AK9: variants seen among roughly 807,000 people sequenced by gnomAD.
The protein encoded by AK9 is adenylate kinase domain containing 1.
A neutral mutation model predicts 239.6 loss-of-function variants in AK9; 191 were observed. The ratio of observed to expected loss-of-function variants is 0.80; its 90% CI spans 0.71 to 0.90. AK9 has a LOEUF of 0.90. AK9 is among the 40% of genes least tolerant of loss of function. The probability of loss-of-function intolerance (pLI) is 0.00; values close to 1 mark genes in which losing one functional copy is unlikely to be tolerated. For missense variants in AK9, 1,995 were observed against 2,214.7 expected, an observed-to-expected ratio of 0.90 and a Z score of 1.99; for synonymous variants, 689 against 721.0, an observed-to-expected ratio of 0.96 and a Z score of 0.71.
chr6:109,674,667 G>A (rs1771443613), intron 2 of AK9, among the ~76,000 whole-genome samples: 1 of 152,076 alleles, frequency 6.6e-6, no homozygotes, highest in African/African-American at 2.4e-5. Flanking sequence ...TAATTTTGAT[G>A]AGCAAAAAGA....
chr6:109,533,704 T>C (rs898839964), intron 27 of AK9, among the ~76,000 whole-genome samples: 2 of 152,182 alleles, frequency 1.3e-5, no homozygotes, highest in African/African-American at 4.8e-5. Flanking sequence ...TTTACTCTTT[T>C]ATTTCTTTTA....
intron 17 of AK9, among the ~76,000 whole-genome samples, chr6:109,604,582 C>T (rs1483929293): frequency 1.3e-5 from 2 of 152,116 alleles, no homozygotes; most frequent in Non-Finnish European, 2.9e-5. Flanking sequence ...TTGCTTCTGG[C>T]ATGTTTATCA....
chr6:109,607,815 T>C (rs565958690), intron 17 of AK9, among the ~76,000 whole-genome samples: 9 of 142,854 alleles, frequency 6.3e-5, no homozygotes, highest in South Asian at 2.3e-4. Context: ...GAAAATTGAG[T>C]AGCTCATTCT....
At chr6:109,503,576 A>G (rs1777806823) in intron 35 of AK9, among the ~76,000 whole-genome samples, 1 of 152,206 alleles carries the variant, frequency 6.6e-6, no homozygotes, top group African/African-American at 2.4e-5. Context: ...GAAAAAAACC[A>G]AAACTAAATT....
chr6:109,510,498 G>A (rs772094425), intron 32 of AK9, among the ~76,000 whole-genome samples: 12 of 152,066 alleles, frequency 7.9e-5, no homozygotes, highest in Non-Finnish European at 1.2e-4. Context: ...CAGCAGATAG[G>A]AGCCACCCTC....
chr6:109,607,737 C>A (rs1208330753), intron 17 of AK9, among the ~76,000 whole-genome samples: 3 of 150,366 alleles, frequency 2.0e-5, no homozygotes, highest in Admixed American at 1.3e-4. Context: ...CTAATAGATA[C>A]AATGCAACCC....
rs1204921001 is a variant in AK9 at position 109,506,645 on chromosome 6, G to A, written c.4628+9C>T. ...ATTCCTTTTTTGTTGTCTTCATCAT[G>A]TACATTACCTTTGTTCATTTTCTTT... On this transcript the variant is annotated intron_variant, in intron 34 of 40. Coordinates refer to ENST00000424296, the MANE Select transcript of AK9 (RefSeq NM_001145128.3). 3.3e-6 allele frequency: 5 copies of A among 1,531,114 alleles called. No individual in the cohort carries two copies. The Admixed American group carries it at 1.0e-4, about 31-fold the overall frequency. 94.8% of individuals were successfully genotyped at this position (1,531,114 alleles called of 1,614,324 possible). A position where few individuals can be genotyped will look rare whatever the true frequency, so the allele number is the denominator to read the frequency against.
intron 13 of AK9, among the ~76,000 whole-genome samples, chr6:109,616,542 T>G (rs1794212207): frequency 1.1e-5 from 1 of 94,662 alleles, no homozygotes; most frequent in African/African-American, 2.9e-5. Context: ...CACACCCAAC[T>G]AATTTTTTTT....
At chr6:109,621,827 G>A (rs1461583452) in intron 12 of AK9, among the ~76,000 whole-genome samples, 1 of 135,236 alleles carries the variant, frequency 7.4e-6, no homozygotes, top group African/African-American at 2.8e-5. Context: ...CACCAGCATG[G>A]CACATGTATA....
At chr6:109,531,943 T>C (rs1781332227) in intron 28 of AK9, among the ~76,000 whole-genome samples, 2 of 152,062 alleles carry the variant, frequency 1.3e-5, no homozygotes, top group African/African-American at 4.8e-5. Flanking sequence ...CTTAGTGTGG[T>C]GAGGGAGAGG....
rs201423968 is a variant in AK9, at chr6:109,622,149, TTA to T, written c.1255-2915_1255-2914del. ...ACACATATTGTATATATTTTATACATTATATAATATACATTTTTATATATTTT... is the reference window on the plus strand; with the variant it reads ...ACACATATTGTATATATTTTATACATTATAATATACATTTTTATATATTTT... On this transcript the variant is annotated intron_variant, in intron 12 of 40. Coordinates refer to ENST00000424296, the MANE Select transcript of AK9 (RefSeq NM_001145128.3). 6.0e-3 allele frequency among the ~76,000 whole-genome samples: 881 copies of T among 146,228 alleles called. 16 individuals are homozygous for T. The highest frequency in any genetic ancestry group is 0.051 in the East Asian group (262 of 5,090).
At chr6:109,616,752 C>G (rs1794234965) in intron 13 of AK9, among the ~76,000 whole-genome samples, 1 of 152,034 alleles carries the variant, frequency 6.6e-6, no homozygotes, top group African/African-American at 2.4e-5. Flanking sequence ...ACCAGAACCC[C>G]TTTAAAGATG....
At chr6:109,496,269 C>T (rs1057000090) in intron 38 of AK9, among the ~76,000 whole-genome samples, 3 of 152,296 alleles carry the variant, frequency 2.0e-5, no homozygotes, top group East Asian at 1.9e-4. Flanking sequence ...CTCAGCCGGC[C>T]GTGTGCAGTC....
At chr6:109,669,192 T>G (rs953741579) in intron 5 of AK9, among the ~76,000 whole-genome samples, 9 of 150,286 alleles carry the variant, frequency 6.0e-5, no homozygotes, top group Admixed American at 2.0e-4. Context: ...ATTTGGCTGT[T>G]TGTTATTGGT....
In AK9 at chr6:109,516,650, A is replaced by C. The variant is rs1779302369; in HGVS notation, c.3634-8T>G. 2 of 1,542,140 alleles carry C rather than the reference A, an allele frequency of 1.3e-6. No individual in the cohort carries two copies. Among genetic ancestry groups the C allele is most frequent in the Non-Finnish European group, 1.8e-6 (2 of 1,140,684 alleles). On this transcript the variant is annotated splice_region_variant and splice_polypyrimidine_tract_variant and intron_variant, in intron 29 of 40. Coordinates refer to ENST00000424296, the MANE Select transcript of AK9 (RefSeq NM_001145128.3). Reference sequence around the variant, plus strand: ...ATCATCTCTAACAACATTCTAAGGAAGAAAATATTCCCTTTTACTATACAT... The same window carrying C: ...ATCATCTCTAACAACATTCTAAGGACGAAAATATTCCCTTTTACTATACAT...
At chr6:109,610,741 T>C (rs1205744292) in intron 16 of AK9, among the ~76,000 whole-genome samples, 2 of 151,976 alleles carry the variant, frequency 1.3e-5, no homozygotes, top group Non-Finnish European at 2.9e-5. Context: ...TACAGCAGAA[T>C]GAAAGTGAAA....
chr6:109,506,369 C>T lies in AK9; in HGVS notation c.4807G>A (p.Val1603Met). 2 of 1,613,712 alleles carry T rather than the reference C, an allele frequency of 1.2e-6. No individual in the cohort carries two copies. Among genetic ancestry groups the T allele is most frequent in the Non-Finnish European group, 1.7e-6 (2 of 1,179,930 alleles). ...WNEVIKNVQM[V>M]NKYMQTYLER... The stretch of plus-strand genomic sequence containing the variant: ...AGGTATGTCTGCATGTATTTATTCA[C>T]CATTTGAACATTCTTAATGACTTCA... The change falls in exon 35 of 41, where the codon GTG becomes ATG. Residue 1603 changes from valine to methionine, a missense_variant. Val to Met is a conservative substitution (Grantham distance 21). Around this residue, in one of 5 missense-constraint regions of AK9, gnomAD observed 391 missense variants for 456.0 expected, o/e 0.86. Coordinates refer to ENST00000424296, the MANE Select transcript of AK9 (RefSeq NM_001145128.3).
intron 10 of AK9, among the ~76,000 whole-genome samples, chr6:109,640,585 T>A (rs981955114): frequency 2.2e-4 from 34 of 152,054 alleles, no homozygotes; most frequent in Non-Finnish European, 4.3e-4. Flanking sequence ...CAATTTTTTT[T>A]TTTTTTTATT....
At chr6:109,632,220 G>T (rs1796157254) in intron 12 of AK9, 1 of 985,302 alleles carries the variant, frequency 1.0e-6, no homozygotes, top group Non-Finnish European at 1.2e-6. Flanking sequence ...GCGCTTAAAA[G>T]AATGCAACAG....
Sources: gnomAD v4.1 joint callset for allele counts (sites outside exome capture counted in the v4.1 genomes callset) on GRCh38, gnomAD v4.1.1 for gene constraint, gnomAD v4.1.1 regional missense constraint, MANE v1.5 for transcripts, NCBI Gene and HGNC (gene_info 2026-07-23, HGNC 2026-07-21) for gene names.